The following KCNH2 variants were observed in gnomAD, a reference collection of about 807,000 sequenced individuals.
The protein encoded by KCNH2 is voltage-gated inwardly rectifying potassium channel KCNH2.
Under a neutral mutation model 95.9 loss-of-function variants are expected in KCNH2, and 35 were observed. The ratio of observed to expected loss-of-function variants is 0.37; its 90% CI spans 0.28 to 0.48. KCNH2 has a LOEUF of 0.48. Among genes scored for constraint, KCNH2 ranks in the 20% least tolerant of loss-of-function variants. KCNH2 has a pLI of 0.99. For missense variants in KCNH2, 1,274 were observed against 1,702.9 expected, an observed-to-expected ratio of 0.75 and a Z score of 4.43; for synonymous variants, 786 against 754.7, an observed-to-expected ratio of 1.04 and a Z score of -0.68.
chr7:150,949,406 GCATTTTTT>G, intron 9 of KCNH2: 1 of 523,384 alleles, frequency 1.9e-6, no homozygotes, highest in Non-Finnish European at 2.5e-6. Context: ...ATCAAAACCA[GCATTTTTT>G]TTTTTTTTTT....
At chr7:150,959,500 C>G in intron 3 of KCNH2, 72 bp downstream of exon 3, 1 of 1,572,398 alleles carries the variant, frequency 6.4e-7, no homozygotes, top group Non-Finnish European at 8.7e-7. Context: ...GAGCGTTGAC[C>G]TTGGACAGCT....
At chr7:150,948,747 G>T in intron 10 of KCNH2, 109 bp downstream of exon 10, 1 of 1,181,568 alleles carries the variant, frequency 8.5e-7, no homozygotes, top group South Asian at 1.3e-5. Context: ...CCATTTGACA[G>T]ACAGGGAAAC....
chr7:150,945,370 T>G lies in KCNH2; in HGVS notation c.3475A>C (p.Ser1159Arg), dbSNP rs1800852162. 6.3e-7 allele frequency: 1 copy of G among 1,586,502 alleles called. No homozygotes were observed. Among genetic ancestry groups the G allele is most frequent in the South Asian group, 1.1e-5 (1 of 87,082 alleles). Residue 1159 changes from serine to arginine, a missense_variant, in exon 15 of 15, where the codon AGT becomes CGT. Physicochemically the swap from Ser to Arg is moderately radical, Grantham distance 110 (BLOSUM62 -1). Transcript: ENST00000262186. The surrounding 1 kb of genome is among the most constrained non-coding windows in gnomAD (Gnocchi z 5.6). The stretch of plus-strand genomic sequence containing the variant: ...GTCCACACTGGGCAGCCCCACTAAC[T>G]GCCCGGGTCCGAGCCGTGTCTGTGC... ...PLHRHGSDPG[S>R]
chr7:150,948,420 C>CCCAACAACCCCA, intron 11 of KCNH2, 24 bp downstream of exon 11: 1 of 1,334,600 alleles, frequency 7.5e-7, no homozygotes, highest in Non-Finnish European at 1.1e-6. Context: ...CCGCCCTCCC[C>CCCAACAACCCCA]CTTCCTCCCC....
rs756870695 is a variant in KCNH2 at position 150,951,036 on chromosome 7, A to G, written c.2030T>C (p.Met677Thr). The change falls in exon 8 of 15, where the codon ATG becomes ACG. Residue 677 changes from methionine to threonine, a missense_variant. Transcript: ENST00000262186. ...GCGGATGAACTCCCGCACCCGCAGC[A>G]TCTGTGTGTGGTAGCGGGCTGTGCC... ...YSGTARYHTQ[M>T]LRVREFIRFH... The G allele has an allele frequency of 6.2e-7, 1 of 1,614,066 alleles. No homozygotes were observed. Among genetic ancestry groups the G allele is most frequent in the African/African-American group, 1.3e-5 (1 of 74,950 alleles).
intron 3 of KCNH2, among the ~76,000 whole-genome samples, chr7:150,958,852 G>A (rs1309778649): frequency 4.6e-5 from 7 of 152,232 alleles, no homozygotes; most frequent in Non-Finnish European, 7.3e-5. Context: ...CGTGGGGCCT[G>A]CGCCTAAGTG....
At chr7:150,957,220 T>C (rs2116996665) in intron 5 of KCNH2, 71 bp downstream of exon 5, 1 of 1,312,402 alleles carries the variant, frequency 7.6e-7, no homozygotes, top group South Asian at 1.3e-5. Context: ...CGGCTCTGGA[T>C]CACAGCCCAC....
intron 5 of KCNH2, chr7:150,955,956 G>GC: frequency 1.8e-6 from 1 of 546,286 alleles, no homozygotes; most frequent in Non-Finnish European, 2.3e-6. Flanking sequence ...CGCAGCCTGA[G>GC]CCCCTCCCCC....
At chr7:150,972,226 G>A (rs548761858) in intron 2 of KCNH2, among the ~76,000 whole-genome samples, 2 of 152,256 alleles carry the variant, frequency 1.3e-5, no homozygotes, top group African/African-American at 4.8e-5. Flanking sequence ...AGCTGTCCAC[G>A]GCGGCGCCTG....
intron 2 of KCNH2, among the ~76,000 whole-genome samples, chr7:150,970,747 C>T (rs1333259267): frequency 6.6e-6 from 1 of 152,352 alleles, no homozygotes; most frequent in Admixed American, 6.5e-5. Flanking sequence ...TGCACCAGGC[C>T]TTGACCAGAA....
chr7:150,958,526 G>GTC, intron 3 of KCNH2, 24 bp from the exon 4 acceptor site: 1 of 1,471,206 alleles, frequency 6.8e-7, no homozygotes, highest in South Asian at 1.3e-5. Flanking sequence ...GAGGCACGTG[G>GTC]TCGTGGGGAT....
chr7:150,957,318 G>T lies in KCNH2; in HGVS notation c.1101C>A (p.Thr367=). Residue 367 remains threonine (T), a synonymous_variant, in exon 5 of 15, where the codon ACC becomes ACA. Transcript: ENST00000262186. ...EIIAPKIKER[T]HNVTEKVTQV... ...GGGTGACCTTCTCAGTGACATTGTG[G>T]GTTCGCTCCTTTATCTTAGGTGCTA... The T allele has an allele frequency of 6.3e-7, 1 of 1,593,822 alleles. No individual in the cohort carries two copies. The highest frequency in any genetic ancestry group is 8.5e-7 in the Non-Finnish European group (1 of 1,170,128).
chr7:150,955,726 G>T, intron 5 of KCNH2: 1 of 1,319,684 alleles, frequency 7.6e-7, no homozygotes, highest in African/African-American at 1.5e-5. Context: ...GGCTCGAGCT[G>T]CCCATGGCCC....
chr7:150,945,386 G>A lies in KCNH2; in HGVS notation c.3459C>T (p.His1153=), dbSNP rs755599756. 29 of 1,590,966 alleles carry A rather than the reference G, an allele frequency of 1.8e-5. No homozygotes were observed. Among genetic ancestry groups the A allele is most frequent in the African/African-American group, 2.7e-5 (2 of 74,516 alleles). The change falls in exon 15 of 15, where the codon CAC becomes CAT. Residue 1153 remains histidine, a synonymous_variant. Coordinates refer to ENST00000262186, the MANE Select transcript of KCNH2 (RefSeq NM_000238.4). This position sits in a 1 kb window ranked among gnomAD's most constrained non-coding sequence, Gnocchi z 5.6. ...GALTSQPLHR[H]GSDPGS is the part of the protein sequence containing the mutation. Reference sequence around the variant, plus strand: ...CCCACTAACTGCCCGGGTCCGAGCCGTGTCTGTGCAGGGGCTGGGAGGTGA... The same window carrying A: ...CCCACTAACTGCCCGGGTCCGAGCCATGTCTGTGCAGGGGCTGGGAGGTGA...
At chr7:150,974,617 A>G in intron 2 of KCNH2, 94 bp downstream of exon 2, 1 of 119,902 alleles carries the variant, frequency 8.3e-6, no homozygotes, top group Non-Finnish European at 1.5e-5. Flanking sequence ...AGCCGCCCCC[A>G]CACCCCCACA....
intron 2 of KCNH2, among the ~76,000 whole-genome samples, chr7:150,972,351 G>A (rs1346518823): frequency 6.6e-6 from 1 of 152,174 alleles, no homozygotes; most frequent in Non-Finnish European, 1.5e-5. Context: ...CCTCACCTCC[G>A]CCTCCCTACC....
intron 2 of KCNH2, 89 bp from the exon 3 acceptor site, chr7:150,959,825 GC>G: frequency 6.9e-7 from 1 of 1,450,360 alleles, no homozygotes; most frequent in South Asian, 1.2e-5. Context: ...ACCCAAGTGG[GC>G]CCGTCCACTT....
At chr7:150,975,493 C>T (rs1393066307) in intron 1 of KCNH2, among the ~76,000 whole-genome samples, 3 of 152,196 alleles carry the variant, frequency 2.0e-5, no homozygotes, top group Non-Finnish European at 4.4e-5. Flanking sequence ...CCCCCTAGAA[C>T]TTCTGCACAC....
In KCNH2 at chr7:150,961,936, G is replaced by A. The variant is rs1461079431; in HGVS notation, c.308-2200C>T. 6.6e-6 allele frequency among the ~76,000 whole-genome samples: 1 copy of A among 152,182 alleles called. No homozygotes were observed. Among genetic ancestry groups the A allele is most frequent in the Non-Finnish European group, 1.5e-5 (1 of 68,028 alleles). On this transcript the variant is annotated intron_variant, in intron 2 of 14. Transcript: ENST00000262186. This position sits in a 1 kb window ranked among gnomAD's most constrained non-coding sequence, Gnocchi z 6.2. Reference sequence around the variant, plus strand: ...AACCAGCTTAAACAGGATGGCACTAGGTGAAGGGGCTGGCCAGGAACTCTC... The same window carrying A: ...AACCAGCTTAAACAGGATGGCACTAAGTGAAGGGGCTGGCCAGGAACTCTC...
Sources: allele counts gnomAD v4.1 joint callset (sites outside exome capture counted in the v4.1 genomes callset), GRCh38; gene constraint gnomAD v4.1.1; non-coding constraint Gnocchi (gnomAD v3.1); transcripts MANE v1.5; gene names NCBI Gene and HGNC (gene_info 2026-07-23, HGNC 2026-07-21).